RANBP10: variants seen among roughly 807,000 people sequenced by gnomAD.
The protein encoded by RANBP10 is ran-binding protein 10.
A neutral mutation model predicts 72.8 loss-of-function variants in RANBP10; 24 were observed. The ratio of observed to expected loss-of-function variants is 0.33; its 90% CI spans 0.24 to 0.46. The LOEUF (loss-of-function observed/expected upper bound fraction) is 0.46. Among genes scored for constraint, RANBP10 ranks in the 20% least tolerant of loss-of-function variants. The pLI is 1.00. For synonymous variants in RANBP10, 310 were observed against 322.3 expected, an observed-to-expected ratio of 0.96 and a Z score of 0.41; for missense variants, 679 against 817.5, an observed-to-expected ratio of 0.83 and a Z score of 2.07.
At chr16:67,746,661 A>C (rs1233559058) in intron 3 of RANBP10, among the ~76,000 whole-genome samples, 1 of 152,188 alleles carries the variant, frequency 6.6e-6, no homozygotes, top group Non-Finnish European at 1.5e-5. Context: ...CTCCAAAAAA[A>C]GTTCCCTCAG....
intron 2 of RANBP10, among the ~76,000 whole-genome samples, chr16:67,789,247 T>G (rs1381131536): frequency 3.5e-5 from 5 of 142,026 alleles, no homozygotes; most frequent in Admixed American, 2.1e-4. Context: ...GAGGTAGAGG[T>G]TGCAGTGAGC....
rs752251736 is a variant in RANBP10, at chr16:67,806,516, G to A, written c.21C>T (p.Asp7=). 12 of 1,515,846 alleles carry A rather than the reference G, an allele frequency of 7.9e-6. No homozygotes were observed. Among genetic ancestry groups the A allele is most frequent in the Non-Finnish European group, 8.8e-6 (10 of 1,139,688 alleles). The allele number at this position is 1,515,846 out of a possible 1,614,324, so 93.9% of individuals were successfully genotyped here. ...CAGGCTGCGGGTTCCCAGCTCCCGG[G>A]TCTGCCGTCGCTGCCGCCATCTTGG... MAAATA[D]PGAGNPQPGD... The change falls in exon 1 of 14, where the codon GAC becomes GAT. Residue 7 remains aspartate (D), a synonymous_variant. Transcript: ENST00000317506.
intron 2 of RANBP10, among the ~76,000 whole-genome samples, chr16:67,790,804 A>G (rs904130737): frequency 2.0e-5 from 3 of 151,346 alleles, no homozygotes; most frequent in Non-Finnish European, 4.4e-5. Context: ...GATTCAAGCA[A>G]TTCTCCTGCC....
rs944259854 is a variant in RANBP10, at chr16:67,792,764, A to G, written c.347+12664T>C. Among the ~76,000 whole-genome samples the G allele has an allele frequency of 5.3e-5, 8 of 151,136 alleles. No individual in the cohort carries two copies. The Admixed American group carries it at 5.3e-4, about 10-fold the overall frequency. On this transcript the variant is annotated intron_variant, in intron 2 of 13. Transcript: ENST00000317506. ...CACCACCGCACTCCAGCCTGGCAAC[A>G]GAGCAAGACTCCGTCTCAAAAAAAA...
chr16:67,777,281 A>C lies in RANBP10; in HGVS notation c.348-5195T>G, dbSNP rs113320952. 2.1e-3 allele frequency among the ~76,000 whole-genome samples: 325 copies of C among 152,308 alleles called. 1 individual carries two copies. The highest frequency in any genetic ancestry group is 7.5e-3 in the African/African-American group (312 of 41,562). On this transcript the variant is annotated intron_variant, in intron 2 of 13. Transcript: ENST00000317506. ...GCTGGGCGCGGTGGCTCACGCCTAT[A>C]ATCCCAGCACTTTGGGAGGCTGAGG...
At chr16:67,750,664 T>C (rs2054176113) in intron 3 of RANBP10, among the ~76,000 whole-genome samples, 2 of 152,140 alleles carry the variant, frequency 1.3e-5, no homozygotes, top group Admixed American at 1.3e-4. Context: ...CCTGCCTCTT[T>C]CTCACACAAG....
intron 2 of RANBP10, among the ~76,000 whole-genome samples, chr16:67,803,824 T>C (rs1597933327): frequency 1.7e-5 from 2 of 118,610 alleles, no homozygotes; most frequent in Non-Finnish European, 1.7e-5. Context: ...CAAGACCCCA[T>C]CTCATTAAAA....
chr16:67,756,771 G>A (rs537265321), intron 3 of RANBP10, among the ~76,000 whole-genome samples: 55 of 152,298 alleles, frequency 3.6e-4, no homozygotes, highest in East Asian at 7.7e-4. Context: ...CACCAAGCCA[G>A]TCATCTCTTC....
chr16:67,768,996 G>A (rs1019064527), intron 3 of RANBP10, among the ~76,000 whole-genome samples: 1 of 152,206 alleles, frequency 6.6e-6, no homozygotes, highest in African/African-American at 2.4e-5. Context: ...AAGTTTTTCT[G>A]TAGCTTTCCA....
intron 10 of RANBP10, chr16:67,728,750 C>T (rs1269710784): frequency 5.7e-6 from 4 of 702,930 alleles, no homozygotes; most frequent in Non-Finnish European, 9.3e-6. Context: ...CTGTGATTCT[C>T]CCCTCCCTGG....
intron 3 of RANBP10, chr16:67,759,653 C>T (rs1330432452): frequency 6.6e-6 from 1 of 152,300 alleles, no homozygotes; most frequent in Admixed American, 6.5e-5. Context: ...CTGTAGATCC[C>T]AAGGTGAAAG....
intron 11 of RANBP10, 72 bp downstream of exon 11, chr16:67,728,318 C>T: frequency 6.5e-7 from 1 of 1,544,628 alleles, no homozygotes; most frequent in Non-Finnish European, 8.9e-7. Context: ...TACCCCAGCC[C>T]CTCCCAGGGG....
chr16:67,741,707 C>CA (rs1185116775), intron 4 of RANBP10, among the ~76,000 whole-genome samples: 1 of 152,232 alleles, frequency 6.6e-6, no homozygotes, highest in African/African-American at 2.4e-5. Flanking sequence ...ACCTGGCCCT[C>CA]AGATTCCAGC....
intron 4 of RANBP10, among the ~76,000 whole-genome samples, chr16:67,742,135 C>T (rs1348412361): frequency 2.0e-5 from 3 of 151,476 alleles, no homozygotes; most frequent in South Asian, 2.1e-4. Context: ...ATCTCGAACT[C>T]CTGGGCTCAA....
At chr16:67,796,862 C>T (rs2055143398) in intron 2 of RANBP10, among the ~76,000 whole-genome samples, 1 of 152,194 alleles carries the variant, frequency 6.6e-6, no homozygotes, top group Admixed American at 6.5e-5. Context: ...CACCAAGTCA[C>T]AACACCAACG....
chr16:67,770,487 G>C (rs1034078203), intron 3 of RANBP10, among the ~76,000 whole-genome samples: 25 of 151,996 alleles, frequency 1.6e-4, no homozygotes, highest in Non-Finnish European at 5.9e-5. Context: ...AAAGACGTAA[G>C]GTCTGAGTGT....
intron 2 of RANBP10, among the ~76,000 whole-genome samples, chr16:67,778,892 A>G (rs992882869): frequency 6.6e-6 from 1 of 151,944 alleles, no homozygotes; most frequent in Non-Finnish European, 1.5e-5. Context: ...CAGGAGTTCA[A>G]GACCAGCCTG....
rs750890960 is a variant in RANBP10 at position 67,738,040 on chromosome 16, G to T, written c.569-5C>A. On this transcript the variant is annotated splice_region_variant and splice_polypyrimidine_tract_variant and intron_variant, in intron 4 of 13. Coordinates refer to ENST00000317506, the MANE Select transcript of RANBP10 (RefSeq NM_020850.3). ...GGAGGTCTGTGAAGGCTATACCTGT[G>T]GGGGGAAAGGAACAGTCATCAGGGC... 11 of 1,587,390 alleles carry T rather than the reference G, an allele frequency of 6.9e-6. No individual in the cohort carries two copies. Among genetic ancestry groups the T allele is most frequent in the South Asian group, 3.4e-5 (3 of 87,488 alleles).
intron 2 of RANBP10, among the ~76,000 whole-genome samples, chr16:67,783,937 G>A (rs1008674199): frequency 3.3e-5 from 5 of 151,662 alleles, no homozygotes; most frequent in East Asian, 1.9e-4. Context: ...CCAGCTACTC[G>A]GGAGACTGAG....
Sources: allele counts gnomAD v4.1 joint callset (sites outside exome capture counted in the v4.1 genomes callset), GRCh38; gene constraint gnomAD v4.1.1; transcripts MANE v1.5; gene names NCBI Gene and HGNC (gene_info 2026-07-23, HGNC 2026-07-21).